The following GUCY1A2 variants were observed in gnomAD, a reference collection of about 807,000 sequenced individuals.
GUCY1A2 encodes guanylate cyclase 1 soluble subunit alpha 2.
GUCY1A2 carries 27 observed loss-of-function variants against 63.5 expected under a neutral mutation model. That is an observed-to-expected ratio of 0.43 (90% CI 0.31 to 0.59). The LOEUF (loss-of-function observed/expected upper bound fraction) is 0.59, where lower values mean the gene tolerates loss of function less well. Ranked by LOEUF, GUCY1A2 falls within the 20% of genes least tolerant of loss-of-function variation. The pLI is 0.11. For synonymous variants in GUCY1A2, 364 were observed against 343.5 expected (o/e 1.06, Z -0.66); for missense variants, 768 against 913.3 (o/e 0.84, Z 2.05).
intron 4 of GUCY1A2, among the ~76,000 whole-genome samples, chr11:106,841,840 C>G (rs1423483433): frequency 6.6e-6 from 1 of 151,864 alleles, no homozygotes; most frequent in African/African-American, 2.4e-5. Context: ...ACAAATGAAA[C>G]CTTTCCATTA....
intron 4 of GUCY1A2, among the ~76,000 whole-genome samples, chr11:106,865,455 G>A (rs1486268030): frequency 6.6e-6 from 1 of 151,874 alleles, no homozygotes; most frequent in African/African-American, 2.4e-5. Context: ...ATACACCATG[G>A]AATACTATGC....
At chr11:106,702,459 T>TTATG (rs1235090028) in intron 7 of GUCY1A2, among the ~76,000 whole-genome samples, 2 of 152,144 alleles carry the variant, frequency 1.3e-5, no homozygotes, top group African/African-American at 4.8e-5. Flanking sequence ...TGAGGGCAGG[T>TTATG]TATGCAGTGA....
At chr11:106,793,350 C>G (rs1419868486) in intron 5 of GUCY1A2, among the ~76,000 whole-genome samples, 1 of 152,036 alleles carries the variant, frequency 6.6e-6, no homozygotes, top group Admixed American at 6.6e-5. Flanking sequence ...AAAATCAACT[C>G]AAAATGGAAT....
At chr11:106,864,005 A>G (rs574119924) in intron 4 of GUCY1A2, among the ~76,000 whole-genome samples, 1 of 152,090 alleles carries the variant, frequency 6.6e-6, no homozygotes, top group Non-Finnish European at 1.5e-5. Context: ...GAAGTTGTTT[A>G]TCAGCTGAAG....
At chr11:106,911,873 T>G (rs548121247) in intron 4 of GUCY1A2, among the ~76,000 whole-genome samples, 1 of 152,214 alleles carries the variant, frequency 6.6e-6, no homozygotes, top group East Asian at 1.9e-4. Context: ...GATTATATTT[T>G]TGATGGCAAA....
chr11:106,795,613 CTGATT>C (rs72252747), intron 5 of GUCY1A2, among the ~76,000 whole-genome samples: 7,739 of 152,168 alleles, frequency 0.051, 369 homozygotes, highest in African/African-American at 0.13. Flanking sequence ...TTTGTTTCAA[CTGATT>C]TATCTTTTTC....
chr11:106,956,207 C>T (rs917589740), intron 3 of GUCY1A2, among the ~76,000 whole-genome samples: 4 of 151,848 alleles, frequency 2.6e-5, no homozygotes, highest in Non-Finnish European at 4.4e-5. Context: ...TTCTTAGCTT[C>T]GTTGCATTGG....
intron 3 of GUCY1A2, among the ~76,000 whole-genome samples, chr11:106,941,763 T>G (rs1305509164): frequency 6.6e-6 from 1 of 152,242 alleles, no homozygotes; most frequent in Non-Finnish European, 1.5e-5. Flanking sequence ...GAGCTTACTA[T>G]AGAGTCTAAA....
At chr11:106,943,482 G>A (rs1383751394) in intron 3 of GUCY1A2, among the ~76,000 whole-genome samples, 5 of 152,128 alleles carry the variant, frequency 3.3e-5, no homozygotes, top group Non-Finnish European at 7.4e-5. Context: ...CATAAATGCT[G>A]GCATCCTTTA....
chr11:106,973,218 C>T (rs1190749660), intron 3 of GUCY1A2, among the ~76,000 whole-genome samples: 1 of 152,108 alleles, frequency 6.6e-6, no homozygotes, highest in East Asian at 1.9e-4. Flanking sequence ...ATCAGAAACA[C>T]AGCCTTTTTG....
chr11:106,944,517 A>G (rs1445593552), intron 3 of GUCY1A2, among the ~76,000 whole-genome samples: 1 of 152,150 alleles, frequency 6.6e-6, no homozygotes, highest in Non-Finnish European at 1.5e-5. Context: ...AGGAGAAAGA[A>G]GATCACAAAA....
intron 5 of GUCY1A2, among the ~76,000 whole-genome samples, chr11:106,778,719 C>G (rs1864406203): frequency 6.6e-6 from 1 of 151,986 alleles, no homozygotes; most frequent in African/African-American, 2.4e-5. Flanking sequence ...CAGAGCTTAG[C>G]ATAATGTCTA....
At position 106,940,147 on chromosome 11, in the gene GUCY1A2, A is replaced by G. The variant is rs1860734079; in HGVS notation, c.519T>C (p.Phe173=). ...GLKFEEIQKR[F]GEEFFNICFH... The stretch of plus-strand genomic sequence containing the variant: ...AGCATATATTAAAGAACTCTTCACC[A>G]AATCTTTTTTGAATTTCCTCAAACT... The change falls in exon 4 of 8, where the codon TTT becomes TTC. Residue 173 remains phenylalanine, a synonymous_variant. Coordinates refer to ENST00000526355, the MANE Select transcript of GUCY1A2 (RefSeq NM_000855.3). 2 of 1,597,630 alleles carry G rather than the reference A, an allele frequency of 1.3e-6. No individual in the cohort carries two copies. The highest frequency in any genetic ancestry group is 8.5e-7 in the Non-Finnish European group (1 of 1,170,152).
At chr11:106,972,798 A>G (rs1296219786) in intron 3 of GUCY1A2, among the ~76,000 whole-genome samples, 1 of 152,116 alleles carries the variant, frequency 6.6e-6, no homozygotes, top group Non-Finnish European at 1.5e-5. Flanking sequence ...ACTGTGGTAC[A>G]TGTTAAATGG....
In GUCY1A2 at chr11:106,679,677, C is replaced by T. The variant is rs1862400506; in HGVS notation, c.*7872G>A. On this transcript the variant is annotated 3_prime_UTR_variant, in exon 8 of 8. Transcript: ENST00000526355. Reference sequence around the variant, plus strand: ...GAAAAAATATAGTTTGTTTTAATATCACTTGCATAGTGTTAGTCTGTTTTT... The same window carrying T: ...GAAAAAATATAGTTTGTTTTAATATTACTTGCATAGTGTTAGTCTGTTTTT... 1 of 217,684 alleles carries T rather than the reference C, an allele frequency of 4.6e-6. No individual in the cohort carries two copies. The highest frequency in any genetic ancestry group is 9.2e-6 in the Non-Finnish European group (1 of 108,208). 13.5% of individuals were successfully genotyped at this position (217,684 alleles called of 1,614,324 possible). A position where few individuals can be genotyped will look rare whatever the true frequency, so the allele number is the denominator to read the frequency against.
chr11:106,841,260 A>C (rs118141257), intron 4 of GUCY1A2, among the ~76,000 whole-genome samples: 2,081 of 151,882 alleles, frequency 0.014, 23 homozygotes, highest in Admixed American at 0.025. Flanking sequence ...CTTCCTACTT[A>C]TACTTCTTAA....
rs190052570 is a variant in GUCY1A2, at chr11:106,689,776, G to A, written c.1992-2020C>T. On this transcript the variant is annotated intron_variant, in intron 7 of 7. Transcript: ENST00000526355. ...GAGGCTCACAAGGTGGGCAGATCACGAGGTCAGGAGTTCGATACCAGCCTG... is the reference window on the plus strand; with the variant it reads ...GAGGCTCACAAGGTGGGCAGATCACAAGGTCAGGAGTTCGATACCAGCCTG... Among the ~76,000 whole-genome samples, 386 of 152,122 alleles carry A rather than the reference G, an allele frequency of 2.5e-3. 2 individuals are homozygous for A. Among genetic ancestry groups the A allele is most frequent in the Non-Finnish European group, 4.5e-3 (309 of 67,982 alleles).
intron 4 of GUCY1A2, among the ~76,000 whole-genome samples, chr11:106,860,322 A>G (rs1225033839): frequency 1.3e-5 from 2 of 151,626 alleles, no homozygotes; most frequent in African/African-American, 4.8e-5. Flanking sequence ...CTTGCAGGGG[A>G]AAAAAGGAAA....
intron 4 of GUCY1A2, among the ~76,000 whole-genome samples, chr11:106,867,524 A>T (rs894405895): frequency 6.6e-6 from 1 of 152,080 alleles, no homozygotes; most frequent in Non-Finnish European, 1.5e-5. Flanking sequence ...ATTTACTTAG[A>T]CTGGCTAAGT....
Sources: gnomAD v4.1 joint callset for allele counts (sites outside exome capture counted in the v4.1 genomes callset) on GRCh38, gnomAD v4.1.1 for gene constraint, MANE v1.5 for transcripts, NCBI Gene and HGNC (gene_info 2026-07-23, HGNC 2026-07-21) for gene names.